Variants in ME3 observed in about 807,000 individuals in gnomAD.
The protein encoded by ME3 is malic enzyme 3.
ME3 carries 48 observed loss-of-function variants against 68.9 expected under a neutral mutation model. The observed-to-expected ratio is 0.70, with a 90% CI of 0.55 to 0.89. ME3 has a LOEUF of 0.89. ME3 is among the 40% of genes least tolerant of loss of function. ME3 has a pLI of 0.00. For synonymous variants in ME3, 320 were observed against 318.8 expected, an observed-to-expected ratio of 1.00 and a Z score of -0.04; for missense variants, 675 against 797.4, an observed-to-expected ratio of 0.85 and a Z score of 1.85.
intron 4 of ME3, among the ~76,000 whole-genome samples, chr11:86,547,465 C>G (rs1350316647): frequency 6.7e-6 from 1 of 149,014 alleles, no homozygotes; most frequent in African/African-American, 2.5e-5. Flanking sequence ...GAACATCACA[C>G]ACTGGGGCCT....
At chr11:86,442,706 G>T in intron 14 of ME3, 115 bp downstream of exon 14, 1 of 848,348 alleles carries the variant, frequency 1.2e-6, no homozygotes, top group Non-Finnish European at 1.8e-6. Context: ...AGGTAGTGCA[G>T]CTCAAGGAGA....
chr11:86,596,322 A>G (rs1959448277), intron 2 of ME3, among the ~76,000 whole-genome samples: 1 of 152,208 alleles, frequency 6.6e-6, no homozygotes, highest in African/African-American at 2.4e-5. Context: ...AGTGAAAAAA[A>G]TGGGCAGAAT....
intron 8 of ME3, among the ~76,000 whole-genome samples, chr11:86,452,045 G>A (rs1949658811): frequency 6.6e-6 from 1 of 152,194 alleles, no homozygotes; most frequent in Non-Finnish European, 1.5e-5. Context: ...GCAAGACATT[G>A]TGTTTTTCTC....
intron 2 of ME3, among the ~76,000 whole-genome samples, chr11:86,656,953 G>C (rs183722313): frequency 6.6e-6 from 1 of 152,010 alleles, no homozygotes; most frequent in Non-Finnish European, 1.5e-5. Context: ...GCAATCATTA[G>C]AAAGTCAGGA....
At chr11:86,450,327 C>T (rs780292051) in exon 9 of ME3, 136 of 1,614,016 alleles carry the variant, frequency 8.4e-5, no homozygotes, top group Non-Finnish European at 7.5e-5. Flanking sequence ...AAAACAAACA[C>T]GTGATTGGAA....
chr11:86,450,152 T>C (rs1376686748), intron 9 of ME3, 149 bp downstream of exon 9: 6 of 969,214 alleles, frequency 6.2e-6, no homozygotes, highest in Non-Finnish European at 9.4e-6. Flanking sequence ...AGACACCCAA[T>C]TGTCAGAGCC....
At chr11:86,446,673 G>T (rs1949320089) in intron 12 of ME3, among the ~76,000 whole-genome samples, 186 bp from the exon 13 acceptor site, 1 of 152,210 alleles carries the variant, frequency 6.6e-6, no homozygotes, top group African/African-American at 2.4e-5. Context: ...GCCCTCACCT[G>T]TTATCTAGCA....
At chr11:86,545,049 G>A (rs1253478973) in intron 4 of ME3, among the ~76,000 whole-genome samples, 6 of 152,112 alleles carry the variant, frequency 3.9e-5, no homozygotes, top group Admixed American at 6.5e-5. Context: ...AATCCATCAC[G>A]TAAACAGAAC....
At chr11:86,651,894 C>T (rs1194616702) in intron 2 of ME3, among the ~76,000 whole-genome samples, 5 of 152,142 alleles carry the variant, frequency 3.3e-5, no homozygotes, top group African/African-American at 1.2e-4. Flanking sequence ...CAGAGAAGTC[C>T]TTAAAGGACC....
intron 2 of ME3, among the ~76,000 whole-genome samples, chr11:86,661,547 C>T (rs1208691628): frequency 1.3e-5 from 2 of 152,206 alleles, no homozygotes; most frequent in Non-Finnish European, 2.9e-5. Context: ...GCACATAGAG[C>T]TACAAAAGCA....
At chr11:86,636,001 T>C (rs1180382759) in intron 2 of ME3, among the ~76,000 whole-genome samples, 4 of 152,198 alleles carry the variant, frequency 2.6e-5, no homozygotes, top group African/African-American at 2.4e-5. Flanking sequence ...CCCCGTATCC[T>C]GGGAAGCTTT....
At chr11:86,527,884 C>A (rs1256964599) in intron 4 of ME3, among the ~76,000 whole-genome samples, 1 of 152,218 alleles carries the variant, frequency 6.6e-6, no homozygotes, top group Non-Finnish European at 1.5e-5. Context: ...ACAACCAGTA[C>A]TAGCCACTGC....
chr11:86,524,171 G>T (rs1222644107), intron 4 of ME3, among the ~76,000 whole-genome samples: 1 of 152,142 alleles, frequency 6.6e-6, no homozygotes, highest in East Asian at 1.9e-4. Context: ...CTGACGTCTA[G>T]AAGGCCTCTA....
At chr11:86,503,535 C>G (rs1452886593) in intron 5 of ME3, among the ~76,000 whole-genome samples, 1 of 152,246 alleles carries the variant, frequency 6.6e-6, no homozygotes, top group African/African-American at 2.4e-5. Flanking sequence ...TTACGGCAGC[C>G]CAACCTCTCC....
chr11:86,665,583 C>T (rs1946541287), intron 2 of ME3, among the ~76,000 whole-genome samples: 1 of 151,912 alleles, frequency 6.6e-6, no homozygotes, highest in Non-Finnish European at 1.5e-5. Flanking sequence ...TGGATGTGGC[C>T]AGGTTTTAAG....
intron 4 of ME3, among the ~76,000 whole-genome samples, chr11:86,520,210 C>A (rs572537993): frequency 6.6e-6 from 1 of 152,100 alleles, no homozygotes; most frequent in African/African-American, 2.4e-5. Context: ...CTTTAGAGCC[C>A]AGGTGTAAAG....
intron 13 of ME3, among the ~76,000 whole-genome samples, chr11:86,446,039 G>A (rs1328188831): frequency 1.3e-5 from 2 of 152,110 alleles, no homozygotes; most frequent in Non-Finnish European, 2.9e-5. Flanking sequence ...TTGCTAGGAC[G>A]CAGGGGGCAG....
At chr11:86,474,781 G>A (rs1469364546) in intron 7 of ME3, among the ~76,000 whole-genome samples, 1 of 152,182 alleles carries the variant, frequency 6.6e-6, no homozygotes, top group Non-Finnish European at 1.5e-5. Flanking sequence ...ATCACCTTAT[G>A]CCCTTTATCA....
chr11:86,576,562 G>A (rs1447056863), intron 2 of ME3, among the ~76,000 whole-genome samples: 2 of 152,178 alleles, frequency 1.3e-5, no homozygotes, highest in African/African-American at 2.4e-5. Flanking sequence ...ATCAGCTCTT[G>A]CACTGTCCCC....
Sources: gnomAD v4.1 joint callset for allele counts (sites outside exome capture counted in the v4.1 genomes callset) on GRCh38, gnomAD v4.1.1 for gene constraint, MANE v1.5 for transcripts, NCBI Gene and HGNC (gene_info 2026-07-23, HGNC 2026-07-21) for gene names.